PI4KA: variants seen among roughly 807,000 people sequenced by gnomAD.
The protein encoded by PI4KA is PI4-kinase alpha.
PI4KA carries 122 observed loss-of-function variants against 271.4 expected under a neutral mutation model. The ratio of observed to expected loss-of-function variants is 0.45; its 90% confidence interval spans 0.39 to 0.52. PI4KA has a LOEUF of 0.52. Ranked by LOEUF, PI4KA falls within the 20% of genes least tolerant of loss-of-function variation. The pLI is 0.00. For synonymous variants in PI4KA, 1,041 were observed against 1,078.8 expected (o/e 0.96, Z 0.69); for missense variants, 1,969 against 2,769.1 (o/e 0.71, Z 6.48).
intron 42 of PI4KA, among the ~76,000 whole-genome samples, chr22:20,726,104 C>T (rs765628008): frequency 6.6e-6 from 1 of 152,204 alleles, no homozygotes; most frequent in Admixed American, 6.5e-5. Context: ...TGGTGCTTCG[C>T]TATGCAGCCC....
chr22:20,818,574 T>G, intron 6 of PI4KA, 25 bp from the exon 7 acceptor site: 2 of 1,513,808 alleles, frequency 1.3e-6, no homozygotes, highest in Non-Finnish European at 1.8e-6. Flanking sequence ...CACAGTTACA[T>G]ATCAGAAAAG....
intron 43 of PI4KA, among the ~76,000 whole-genome samples, chr22:20,719,948 C>G (rs1246346910): frequency 1.4e-5 from 2 of 147,506 alleles, no homozygotes; most frequent in Non-Finnish European, 3.0e-5. Context: ...ATGGCGTGAA[C>G]CTGGGAGGCG....
At chr22:20,783,994 A>C (rs779124518) in intron 19 of PI4KA, 1 of 1,614,190 alleles carries the variant, frequency 6.2e-7, no homozygotes, top group South Asian at 1.1e-5. Context: ...ATAAATTCCC[A>C]GTGGAAATGA....
intron 29 of PI4KA, 64 bp downstream of exon 29, chr22:20,747,519 C>T: frequency 6.4e-7 from 1 of 1,572,388 alleles, no homozygotes; most frequent in Admixed American, 1.7e-5. Context: ...AGCTCTAAGC[C>T]TTCCCCTGCA....
intron 27 of PI4KA, 45 bp downstream of exon 27, chr22:20,751,248 T>G: frequency 6.9e-7 from 1 of 1,453,384 alleles, no homozygotes; most frequent in Non-Finnish European, 9.6e-7. Context: ...CTCAGGGAAT[T>G]GTGGTAAAGA....
intron 34 of PI4KA, 34 bp from the exon 35 acceptor site, chr22:20,733,877 A>G (rs1241752932): frequency 6.2e-7 from 1 of 1,612,016 alleles, no homozygotes. Context: ...TTAGAGCAGG[A>G]GCCTGGCCTG....
chr22:20,813,305 A>C, intron 8 of PI4KA, 53 bp downstream of exon 8: 5 of 1,374,288 alleles, frequency 3.6e-6, no homozygotes, highest in Non-Finnish European at 5.0e-6. Flanking sequence ...TTTCACCACT[A>C]GCAATTTTAC....
At chr22:20,825,832 C>T (rs578260147) in intron 3 of PI4KA, among the ~76,000 whole-genome samples, 3 of 152,238 alleles carry the variant, frequency 2.0e-5, no homozygotes, top group East Asian at 1.9e-4. Context: ...TCATCATCCC[C>T]GTAATAAGCA....
At chr22:20,840,098 C>G (rs1166796127) in intron 1 of PI4KA, among the ~76,000 whole-genome samples, 1 of 152,202 alleles carries the variant, frequency 6.6e-6, no homozygotes, top group Non-Finnish European at 1.5e-5. Context: ...ATACATTCCA[C>G]TACAAACCTG....
chr22:20,826,371 A>G lies in PI4KA; in HGVS notation c.368-1957T>C, dbSNP rs559879562. ...AAGATAAAATAAAATAAAAAATAAA[A>G]GGACATAATCTTTTTCTTTTTTTAT... is the stretch of plus-strand genomic sequence containing the variant. On this transcript the variant is annotated intron_variant, in intron 3 of 54. Coordinates refer to ENST00000255882, the MANE Select transcript of PI4KA (RefSeq NM_058004.4). Among the ~76,000 whole-genome samples the G allele has an allele frequency of 2.1e-3, 323 of 152,278 alleles. 3 individuals are homozygous for G. Among genetic ancestry groups the G allele is most frequent in the African/African-American group, 7.3e-3 (302 of 41,560 alleles).
intron 7 of PI4KA, among the ~76,000 whole-genome samples, chr22:20,816,473 A>G (rs1921822583): frequency 1.3e-5 from 2 of 152,076 alleles, no homozygotes; most frequent in South Asian, 2.1e-4. Context: ...AGTTTGGAAG[A>G]GGGCCTGGGA....
intron 19 of PI4KA, among the ~76,000 whole-genome samples, chr22:20,777,721 C>T (rs980182886): frequency 4.6e-5 from 7 of 152,170 alleles, no homozygotes; most frequent in African/African-American, 1.7e-4. Context: ...TTATAAACAC[C>T]TATGGTCACT....
At chr22:20,811,881 TG>T (rs1487625608) in intron 8 of PI4KA, among the ~76,000 whole-genome samples, 4 of 151,352 alleles carry the variant, frequency 2.6e-5, no homozygotes, top group Non-Finnish European at 2.9e-5. Flanking sequence ...GGCGTGGTGG[TG>T]GTCACCTGGA....
intron 9 of PI4KA, among the ~76,000 whole-genome samples, 197 bp downstream of exon 9, chr22:20,810,770 C>T (rs118001000): frequency 0.03 from 4,525 of 152,186 alleles, 89 homozygotes; most frequent in Middle Eastern, 0.061. Flanking sequence ...CCTGAGGTGA[C>T]GTATTTAAAA....
chr22:20,723,580 C>G (rs1229818743), intron 42 of PI4KA, among the ~76,000 whole-genome samples: 1 of 151,560 alleles, frequency 6.6e-6, no homozygotes, highest in Non-Finnish European at 1.5e-5. Context: ...CCCGTAATCC[C>G]AGCACTTTGG....
At chr22:20,714,595 G>A (rs1459088586) in intron 46 of PI4KA, 33 bp downstream of exon 46, 1 of 1,613,878 alleles carries the variant, frequency 6.2e-7, no homozygotes, top group Non-Finnish European at 8.5e-7. Flanking sequence ...GCGGACGCGT[G>A]GAAGTGGGGG....
At chr22:20,723,653 A>G (rs1387625215) in intron 42 of PI4KA, among the ~76,000 whole-genome samples, 1 of 151,800 alleles carries the variant, frequency 6.6e-6, no homozygotes, top group Non-Finnish European at 1.5e-5. Flanking sequence ...AAACATGGTG[A>G]AACCCTGTCT....
chr22:20,839,866 C>T (rs1272928633), intron 1 of PI4KA, among the ~76,000 whole-genome samples: 1 of 152,022 alleles, frequency 6.6e-6, no homozygotes, highest in African/African-American at 2.4e-5. Flanking sequence ...GCAGTTGGGA[C>T]TGAGCACAGC....
chr22:20,809,563 C>T (rs1161635512), intron 9 of PI4KA, among the ~76,000 whole-genome samples: 1 of 152,048 alleles, frequency 6.6e-6, no homozygotes, highest in Non-Finnish European at 1.5e-5. Context: ...AGTGCAGGCC[C>T]ACTAAGTCTC....
Sources: gnomAD v4.1 joint callset for allele counts (sites outside exome capture counted in the v4.1 genomes callset) on GRCh38, gnomAD v4.1.1 for gene constraint, MANE v1.5 for transcripts, NCBI Gene and HGNC (gene_info 2026-07-23, HGNC 2026-07-21) for gene names.